HNRNPD: variants seen among roughly 807,000 people sequenced by gnomAD.
The protein encoded by HNRNPD is heterogeneous nuclear ribonucleoprotein D0.
HNRNPD carries 3 observed loss-of-function variants against 47.9 expected under a neutral mutation model. That is an observed-to-expected ratio of 0.06 (90% CI 0.03 to 0.16). The LOEUF (loss-of-function observed/expected upper bound fraction) is 0.16. HNRNPD is among the 10% of genes least tolerant of loss of function. The pLI, the probability that HNRNPD is intolerant of heterozygous loss-of-function variation, is 1.00. For missense variants in HNRNPD, 287 were observed against 454.2 expected, an observed-to-expected ratio of 0.63 and a Z score of 3.35; for synonymous variants, 171 against 165.1, an observed-to-expected ratio of 1.04 and a Z score of -0.28.
intron 2 of HNRNPD, among the ~76,000 whole-genome samples, chr4:82,361,206 C>T (rs1057087180): frequency 8.5e-5 from 13 of 152,054 alleles, no homozygotes; most frequent in African/African-American, 2.7e-4. Flanking sequence ...ATAGTGTGTA[C>T]CTTCTAATAT....
chr4:82,358,458 A>T (rs540635651), intron 4 of HNRNPD: 1 of 522,290 alleles, frequency 1.9e-6, no homozygotes, highest in Non-Finnish European at 3.4e-6. Context: ...TACTCTGCAT[A>T]GAGTAGGTGC....
rs1560431975 is a variant in HNRNPD at position 82,353,740 on chromosome 4, T to C, written c.*445A>G. On this transcript the variant is annotated 3_prime_UTR_variant, in exon 9 of 9. Coordinates refer to ENST00000313899, the MANE Select transcript of HNRNPD (RefSeq NM_031370.3). ...ACTGCAATTTTAATCATGTCCTCAA[T>C]TTCGGCAAGCCTGTCTTCCAAACTT... 6.6e-6 allele frequency: 1 copy of C among 152,668 alleles called. No homozygotes were observed. 9.5% of individuals were successfully genotyped at this position (152,668 alleles called of 1,614,324 possible). A position where few individuals can be genotyped will look rare whatever the true frequency, so the allele number is the denominator to read the frequency against.
chr4:82,357,274 A>T (rs1172864861), intron 5 of HNRNPD, 39 bp downstream of exon 5: 1 of 1,574,712 alleles, frequency 6.4e-7, no homozygotes, highest in Admixed American at 1.9e-5. Context: ...TCTTTACAAC[A>T]GCTAGTTTTC....
intron 7 of HNRNPD, chr4:82,356,276 C>A (rs1723708678): frequency 5.3e-6 from 2 of 377,198 alleles, no homozygotes; most frequent in Admixed American, 8.3e-5. Flanking sequence ...AAGATCTGAA[C>A]TGAGCTTAAA....
At chr4:82,365,743 T>A (rs988134980) in intron 2 of HNRNPD, among the ~76,000 whole-genome samples, 4 of 151,322 alleles carry the variant, frequency 2.6e-5, no homozygotes, top group African/African-American at 9.7e-5. Context: ...TAGCTGAGAC[T>A]ATGGGTGCAC....
chr4:82,363,565 GTTCAAC>G (rs1279073712), intron 2 of HNRNPD, among the ~76,000 whole-genome samples: 1 of 152,124 alleles, frequency 6.6e-6, no homozygotes, highest in East Asian at 1.9e-4. Context: ...ACCAAGACTT[GTTCAAC>G]TAGCAACAAA....
At chr4:82,363,976 C>T (rs1009873970) in intron 2 of HNRNPD, among the ~76,000 whole-genome samples, 2 of 151,910 alleles carry the variant, frequency 1.3e-5, no homozygotes, top group African/African-American at 4.8e-5. Context: ...GGGTTTAAAC[C>T]CTACTGCTGC....
At chr4:82,367,372 A>G (rs1412420263) in intron 2 of HNRNPD, among the ~76,000 whole-genome samples, 1 of 152,158 alleles carries the variant, frequency 6.6e-6, no homozygotes, top group African/African-American at 2.4e-5. Context: ...CAATTCTATA[A>G]AACTGTGTAC....
intron 2 of HNRNPD, among the ~76,000 whole-genome samples, chr4:82,361,373 G>A (rs1274059942): frequency 1.3e-5 from 2 of 152,146 alleles, no homozygotes; most frequent in Non-Finnish European, 2.9e-5. Flanking sequence ...ATAAAGCAAT[G>A]ACCTCTTGCT....
At chr4:82,361,680 A>G (rs1442485564) in intron 2 of HNRNPD, among the ~76,000 whole-genome samples, 1 of 152,230 alleles carries the variant, frequency 6.6e-6, no homozygotes, top group Non-Finnish European at 1.5e-5. Flanking sequence ...TAAGAAACAG[A>G]AAACAATTAC....
chr4:82,373,628 CGCCGTT>C lies in HNRNPD; in HGVS notation c.45_50del (p.Thr16_Ala17del). 1 of 1,527,046 alleles carries C rather than the reference CGCCGTT, an allele frequency of 6.5e-7. No individual in the cohort carries two copies. The highest frequency in any genetic ancestry group is 8.7e-7 in the Non-Finnish European group (1 of 1,143,024). The allele number at this position is 1,527,046 out of a possible 1,614,324, so 94.6% of individuals were successfully genotyped here. On this transcript the variant is annotated inframe_deletion, in exon 1 of 9. Coordinates refer to ENST00000313899, the MANE Select transcript of HNRNPD (RefSeq NM_031370.3). ...GCTCGCCCGCCGAGCCGCCTACCGC[CGCCGTT>C]GCCGCTGCCGCCGCCCCGTCCCCGC...
chr4:82,360,044 T>C lies in HNRNPD; in HGVS notation c.291-405A>G, dbSNP rs555160791. Among the ~76,000 whole-genome samples, 18 of 152,256 alleles carry C rather than the reference T, an allele frequency of 1.2e-4. No homozygotes were observed. In the South Asian group the frequency reaches 1.5e-3, roughly 12 times the overall value. ...TCCCCACTGATCTCAGCAACCAGCA[T>C]TGGTGTCTATGCTGAAGCTCCTTTT... is the stretch of plus-strand genomic sequence containing the variant. On this transcript the variant is annotated intron_variant, in intron 2 of 8. Transcript: ENST00000313899.
chr4:82,357,541 TG>T, intron 4 of HNRNPD, 97 bp from the exon 5 acceptor site: 1 of 1,031,856 alleles, frequency 9.7e-7, no homozygotes, highest in Non-Finnish European at 1.4e-6. Context: ...AAAGAAAACA[TG>T]TATTTGGCAC....
At chr4:82,362,197 A>G (rs1234142844) in intron 2 of HNRNPD, among the ~76,000 whole-genome samples, 1 of 152,238 alleles carries the variant, frequency 6.6e-6, no homozygotes, top group Non-Finnish European at 1.5e-5. Context: ...GTCTTCTAAA[A>G]TTAGCTATTA....
chr4:82,354,750 T>A (rs2109987449), intron 8 of HNRNPD: 1 of 152,830 alleles, frequency 6.5e-6, no homozygotes, highest in African/African-American at 2.4e-5. Flanking sequence ...TAAGCTGACG[T>A]ATTTAACCAT....
chr4:82,367,723 C>T (rs951948644), intron 2 of HNRNPD, among the ~76,000 whole-genome samples: 2 of 152,088 alleles, frequency 1.3e-5, no homozygotes, highest in Non-Finnish European at 2.9e-5. Flanking sequence ...TCTTCCCTCC[C>T]CACCCCCAAA....
chr4:82,373,376 A>C, intron 1 of HNRNPD, 70 bp downstream of exon 1: 1 of 1,512,710 alleles, frequency 6.6e-7, no homozygotes, highest in Non-Finnish European at 8.9e-7. Context: ...AACCAGGCCT[A>C]ATGGCGGGGG....
intron 1 of HNRNPD, among the ~76,000 whole-genome samples, chr4:82,371,811 G>A (rs1720059078): frequency 6.6e-6 from 1 of 152,120 alleles, no homozygotes; most frequent in African/African-American, 2.4e-5. Context: ...TTCAGCAAAC[G>A]AAAACCAAAA....
At chr4:82,373,063 C>T (rs1014133915) in intron 1 of HNRNPD, 26 of 470,754 alleles carry the variant, frequency 5.5e-5, no homozygotes, top group African/African-American at 5.2e-4. Context: ...TGTTTTTATG[C>T]CCAAGACTGT....
Sources: allele counts gnomAD v4.1 joint callset (sites outside exome capture counted in the v4.1 genomes callset), GRCh38; gene constraint gnomAD v4.1.1; transcripts MANE v1.5; gene names NCBI Gene and HGNC (gene_info 2026-07-23, HGNC 2026-07-21).